ADRA1B: variants seen among roughly 807,000 people sequenced by gnomAD.
The protein encoded by ADRA1B is adrenoceptor alpha 1B, also known as alpha-1B adrenergic receptor.
A neutral mutation model predicts 17.9 loss-of-function variants in ADRA1B; 17 were observed. The ratio of observed to expected loss-of-function variants is 0.95; its 90% CI spans 0.65 to 1.42. The LOEUF is 1.42. Among genes scored for constraint, ADRA1B ranks in the 40% most tolerant of loss-of-function variants. The pLI is 0.00. For missense variants in ADRA1B, 681 were observed against 722.1 expected, an observed-to-expected ratio of 0.94 and a Z score of 0.65; for synonymous variants, 366 against 327.6, an observed-to-expected ratio of 1.12 and a Z score of -1.27.
At chr5:159,902,159 T>C (rs958041127) in intron 1 of ADRA1B, among the ~76,000 whole-genome samples, 3 of 152,130 alleles carry the variant, frequency 2.0e-5, no homozygotes, top group African/African-American at 7.2e-5. Context: ...AATATTAGCC[T>C]TAAAAAGGAA....
At chr5:159,980,350 A>T in the ADRA1B span, among the ~76,000 whole-genome samples, 1 of 152,202 alleles carries the variant, frequency 6.6e-6, no homozygotes, top group Non-Finnish European at 1.5e-5. Context: ...TTTCTTTCTT[A>T]GGTCACATAG....
chr5:159,960,179 G>A (rs2113279452), intron 1 of ADRA1B, among the ~76,000 whole-genome samples: 1 of 152,346 alleles, frequency 6.6e-6, no homozygotes, highest in South Asian at 2.1e-4. Flanking sequence ...TCAGAGGAAA[G>A]TGGTTATGAG....
At chr5:159,899,328 G>T (rs1305451060) in intron 1 of ADRA1B, among the ~76,000 whole-genome samples, 1 of 99,082 alleles carries the variant, frequency 1.0e-5, no homozygotes, top group Non-Finnish European at 2.1e-5. Flanking sequence ...AGAAGGAAAG[G>T]CAACTAGTGG....
intron 1 of ADRA1B, among the ~76,000 whole-genome samples, chr5:159,920,478 C>T (rs985313525): frequency 3.3e-5 from 5 of 152,112 alleles, no homozygotes; most frequent in African/African-American, 1.2e-4. Flanking sequence ...TTCTTGCCAC[C>T]TTGATGCTAT....
At chr5:159,979,318 C>A in the ADRA1B span, among the ~76,000 whole-genome samples, 57 of 152,276 alleles carry the variant, frequency 3.7e-4, no homozygotes, top group East Asian at 9.6e-3. Context: ...TGTCTCCTAT[C>A]CTCTGAGAGG....
At chr5:159,979,067 T>A in the ADRA1B span, among the ~76,000 whole-genome samples, 1 of 152,166 alleles carries the variant, frequency 6.6e-6, no homozygotes, top group South Asian at 2.1e-4. Context: ...GGCTCACAAC[T>A]GTAATCTCAG....
chr5:159,927,700 G>A (rs976671856), intron 1 of ADRA1B, among the ~76,000 whole-genome samples: 1 of 152,094 alleles, frequency 6.6e-6, no homozygotes, highest in Admixed American at 6.5e-5. Context: ...TTTCAAAAGT[G>A]TCTCAATTTG....
intron 1 of ADRA1B, among the ~76,000 whole-genome samples, chr5:159,939,322 T>TGTGTGCGCGC (rs1554090928): frequency 8.4e-5 from 9 of 107,664 alleles, no homozygotes; most frequent in African/African-American, 3.2e-4. Context: ...TGTGTGTGTG[T>TGTGTGCGCGC]GCGCGCGCGC....
chr5:159,876,107 T>C (rs1753799824), intron 1 of ADRA1B, among the ~76,000 whole-genome samples: 1 of 152,192 alleles, frequency 6.6e-6, no homozygotes, highest in African/African-American at 2.4e-5. Context: ...GAGAATCGCT[T>C]GAACTCAGGA....
chr5:159,896,325 TAAATTTTTA>T (rs1215267188), intron 1 of ADRA1B, among the ~76,000 whole-genome samples: 1 of 152,194 alleles, frequency 6.6e-6, no homozygotes, highest in Non-Finnish European at 1.5e-5. Flanking sequence ...TAGATAAACT[TAAATTTTTA>T]AAAGCTTTGG....
At chr5:159,939,905 C>G (rs2113227763) in intron 1 of ADRA1B, among the ~76,000 whole-genome samples, 1 of 152,308 alleles carries the variant, frequency 6.6e-6, no homozygotes, top group Non-Finnish European at 1.5e-5. Flanking sequence ...CCACGATTCC[C>G]CAGGCAGTGG....
At chr5:159,941,919 C>CTTTT (rs70987983) in intron 1 of ADRA1B, among the ~76,000 whole-genome samples, 28 of 122,128 alleles carry the variant, frequency 2.3e-4, no homozygotes, top group Admixed American at 7.0e-4. Flanking sequence ...TACTGGGTTT[C>CTTTT]TTTTTTTTTT....
chr5:159,987,542 G>A, the ADRA1B span, among the ~76,000 whole-genome samples: 2 of 152,254 alleles, frequency 1.3e-5, no homozygotes, highest in African/African-American at 2.4e-5. Flanking sequence ...AGGTGGACCC[G>A]CGCGCCACCC....
intron 1 of ADRA1B, among the ~76,000 whole-genome samples, chr5:159,874,691 A>C (rs993661038): frequency 1.3e-5 from 2 of 152,242 alleles, no homozygotes; most frequent in Admixed American, 1.3e-4. Flanking sequence ...TAACAGCCTG[A>C]AGAATTAAAT....
At chr5:159,951,521 C>A in intron 1 of ADRA1B, 1 of 646,324 alleles carries the variant, frequency 1.5e-6, no homozygotes, top group Non-Finnish European at 2.8e-6. Context: ...ATGCAGCTGG[C>A]AATGCACGAG....
chr5:159,973,112 C>T (rs1755918796), downstream of ADRA1B, among the ~76,000 whole-genome samples: 2 of 152,222 alleles, frequency 1.3e-5, no homozygotes, highest in African/African-American at 4.8e-5. Context: ...GGGTCCTTCG[C>T]TTTCCATTCC....
intron 1 of ADRA1B, among the ~76,000 whole-genome samples, chr5:159,960,619 C>A (rs752630326): frequency 3.3e-5 from 5 of 151,584 alleles, no homozygotes; most frequent in African/African-American, 4.9e-5. Context: ...GCAGGAGGAT[C>A]ACTTGAACCC....
intron 1 of ADRA1B, among the ~76,000 whole-genome samples, chr5:159,938,515 G>C (rs1475969775): frequency 1.3e-5 from 2 of 152,132 alleles, no homozygotes; most frequent in Non-Finnish European, 2.9e-5. Context: ...TGGGTAATGA[G>C]ACTAGAACAG....
At chr5:159,916,262 G>T (rs1283536648), upstream of ADRA1B, 1 of 151,262 alleles carries the variant, frequency 6.6e-6, no homozygotes, top group Non-Finnish European at 1.5e-5. Context: ...AGGGGTGGGT[G>T]ACCCGCGATC....
Sources: gnomAD v4.1 joint callset for allele counts (sites outside exome capture counted in the v4.1 genomes callset) on GRCh38, gnomAD v4.1.1 for gene constraint, MANE v1.5 for transcripts, NCBI Gene and HGNC (gene_info 2026-07-23, HGNC 2026-07-21) for gene names.